Variants in SPMAP2 observed in about 807,000 individuals in gnomAD.
SPMAP2 encodes sperm microtubule associated protein 2, also known as Theg homolog.
the SPMAP2 span, chr19:367,105 C>G: frequency 1.1e-5 from 17 of 1,612,840 alleles, no homozygotes; most frequent in Non-Finnish European, 1.4e-5. Flanking sequence ...ACACATGTGG[C>G]TTGGGTTTTG....
the SPMAP2 span, among the ~76,000 whole-genome samples, chr19:367,735 G>A: frequency 6.6e-6 from 1 of 152,160 alleles, no homozygotes; most frequent in African/African-American, 2.4e-5. Context: ...CCGAGGAAGT[G>A]GGTGCAGGGA....
At chr19:373,895 G>A in the SPMAP2 span, 47 of 1,578,070 alleles carry the variant, frequency 3.0e-5, no homozygotes, top group Admixed American at 1.4e-4. Flanking sequence ...AACCTGACAC[G>A]TGTCCCCCAG....
the SPMAP2 span, chr19:374,316 C>A: frequency 6.2e-7 from 1 of 1,614,072 alleles, no homozygotes; most frequent in Admixed American, 1.7e-5. Context: ...TCAGGACTTG[C>A]CAGTTTATCT....
At chr19:361,757 G>A in the SPMAP2 span, 8 of 93,268 alleles carry the variant, frequency 8.6e-5, 2 homozygotes, top group African/African-American at 1.5e-4. Context: ...CGACGGTCCC[G>A]TGGGCCCTCA....
chr19:368,410 C>G, the SPMAP2 span, among the ~76,000 whole-genome samples: 1 of 149,818 alleles, frequency 6.7e-6, no homozygotes, highest in African/African-American at 2.4e-5. This position sits in a 1 kb window ranked among gnomAD's most constrained non-coding sequence, Gnocchi z 4.1. Flanking sequence ...GGCAAAGGAC[C>G]GCTTCACACG....
At chr19:364,076 G>A in the SPMAP2 span, among the ~76,000 whole-genome samples, 47 of 151,516 alleles carry the variant, frequency 3.1e-4, no homozygotes, top group Admixed American at 2.2e-3. Context: ...GCTCATGCCT[G>A]TAATCCCAGC....
the SPMAP2 span, among the ~76,000 whole-genome samples, chr19:363,795 A>G: frequency 6.6e-6 from 1 of 151,544 alleles, no homozygotes; most frequent in Non-Finnish European, 1.5e-5. Flanking sequence ...TCGGCCTCCC[A>G]AAGTACTGGG....
At chr19:372,729 A>C in the SPMAP2 span, 1 of 1,611,872 alleles carries the variant, frequency 6.2e-7, no homozygotes, top group Non-Finnish European at 8.5e-7. Context: ...GGAGTCAGTG[A>C]ACCCCAGTGT....
At chr19:365,960 G>C in the SPMAP2 span, among the ~76,000 whole-genome samples, 2 of 152,162 alleles carry the variant, frequency 1.3e-5, no homozygotes, top group African/African-American at 4.8e-5. Flanking sequence ...GGCCAACATG[G>C]TGAAAACCTG....
At chr19:364,200 G>T in the SPMAP2 span, among the ~76,000 whole-genome samples, 1 of 150,760 alleles carries the variant, frequency 6.6e-6, no homozygotes, top group Non-Finnish European at 1.5e-5. Context: ...AGCCGGGCGT[G>T]GTGGCGGCTG....
the SPMAP2 span, among the ~76,000 whole-genome samples, chr19:364,037 A>C: frequency 6.6e-6 from 1 of 152,048 alleles, no homozygotes; most frequent in East Asian, 1.9e-4. Flanking sequence ...GTGAATTACA[A>C]ATAAAAAATA....
At chr19:362,879 A>C in the SPMAP2 span, among the ~76,000 whole-genome samples, 1 of 152,108 alleles carries the variant, frequency 6.6e-6, no homozygotes, top group East Asian at 1.9e-4. Context: ...CTCAGCCAAG[A>C]AAAGGAACGA....
chr19:375,039 C>T, the SPMAP2 span, among the ~76,000 whole-genome samples: 55,190 of 152,050 alleles, frequency 0.36, 11,014 homozygotes, highest in Middle Eastern at 0.54. Flanking sequence ...CCTCCCTGGG[C>T]GGCACGGAAA....
At chr19:362,922 T>A in the SPMAP2 span, among the ~76,000 whole-genome samples, 3 of 152,176 alleles carry the variant, frequency 2.0e-5, no homozygotes, top group Non-Finnish European at 4.4e-5. Flanking sequence ...TGGCTGAGCC[T>A]TGAGGACAGC....
At chr19:371,471 G>A in the SPMAP2 span, 3 of 449,022 alleles carry the variant, frequency 6.7e-6, no homozygotes, top group Admixed American at 1.2e-4. Flanking sequence ...CTCCTCCTCT[G>A]TTTCTGGGGT....
the SPMAP2 span, among the ~76,000 whole-genome samples, chr19:365,626 G>C: frequency 1.2e-3 from 144 of 124,954 alleles, 1 homozygote; most frequent in Non-Finnish European, 1.9e-3. Flanking sequence ...CACATAGCAA[G>C]TGCGAGCACA....
the SPMAP2 span, chr19:375,849 C>T: frequency 1.0e-4 from 162 of 1,601,258 alleles, no homozygotes; most frequent in Non-Finnish European, 1.3e-4. Flanking sequence ...GTCTGTGACC[C>T]GCCGGCTCTC....
chr19:374,349 C>T, the SPMAP2 span: 1 of 1,614,128 alleles, frequency 6.2e-7, no homozygotes, highest in Non-Finnish European at 8.5e-7. Context: ...GCTCCATGAG[C>T]CTCCTCCGCC....
chr19:364,177 CA>C, the SPMAP2 span, among the ~76,000 whole-genome samples: 12 of 145,380 alleles, frequency 8.3e-5, no homozygotes, highest in South Asian at 2.2e-4. Flanking sequence ...ACTAAAAATA[CA>C]AAAAAAAAAT....
Sources: allele counts gnomAD v4.1 joint callset (sites outside exome capture counted in the v4.1 genomes callset), GRCh38; gene constraint gnomAD v4.1.1; non-coding constraint Gnocchi (gnomAD v3.1); transcripts MANE v1.5; gene names NCBI Gene and HGNC (gene_info 2026-07-23, HGNC 2026-07-21).